Variants in GANAB observed in about 807,000 individuals in gnomAD.
GANAB encodes neutral alpha-glucosidase AB.
A neutral mutation model predicts 129.9 loss-of-function variants in GANAB; 35 were observed. The ratio of observed to expected loss-of-function variants is 0.27; its 90% CI spans 0.21 to 0.36. The LOEUF is 0.36. Ranked by LOEUF, GANAB falls within the 10% of genes least tolerant of loss-of-function variation. The pLI, the probability that GANAB is intolerant of heterozygous loss-of-function variation, is 1.00. For synonymous variants in GANAB, 482 were observed against 451.8 expected, an observed-to-expected ratio of 1.07 and a Z score of -0.85; for missense variants, 939 against 1,221.0, an observed-to-expected ratio of 0.77 and a Z score of 3.44.
At chr11:62,631,972 CCTTT>C (rs1044059396) in intron 9 of GANAB, among the ~76,000 whole-genome samples, 5 of 150,666 alleles carry the variant, frequency 3.3e-5, no homozygotes, top group South Asian at 2.1e-4. Context: ...TGAGTCAGAA[CCTTT>C]CTTTTTTTTT....
chr11:62,635,012 A>G lies in GANAB; in HGVS notation c.381-12T>C. ...CAGAGACAGAAAGCCTGGGAAACAT[A>G]TCAAAAGAAATATAAGGAAGTACAA... On this transcript the variant is annotated splice_polypyrimidine_tract_variant and intron_variant, in intron 4 of 23. Coordinates refer to ENST00000356638, the MANE Select transcript of GANAB (RefSeq NM_198334.3). 1 of 1,600,528 alleles carries G rather than the reference A, an allele frequency of 6.2e-7. No individual in the cohort carries two copies.
Position 62,625,897 on chromosome 11 carries a change from TG to T in GANAB, c.2752del (p.Gln918SerfsTer35). 1.2e-6 allele frequency: 2 copies of T among 1,613,686 alleles called. No individual in the cohort carries two copies. The highest frequency in any genetic ancestry group is 1.7e-6 in the Non-Finnish European group (2 of 1,179,554). ...KGSPESRLSF[Q>X]HDPETSVLVL... Reference sequence around the variant, plus strand: ...CAACACAGAGGTCTCAGGGTCATGCTGGAAGGACAGGCGGCTTTCTGGAGAT... The same window carrying T: ...CAACACAGAGGTCTCAGGGTCATGCTGAAGGACAGGCGGCTTTCTGGAGAT... On this transcript the variant is annotated frameshift_variant, in exon 24 of 24. Transcript: ENST00000356638. LOFTEE classifies it high-confidence loss of function.
chr11:62,633,760 C>A (rs1268738299), intron 5 of GANAB: 1 of 568,506 alleles, frequency 1.8e-6, no homozygotes, highest in Non-Finnish European at 3.1e-6. Flanking sequence ...TGAACACCAG[C>A]CTCTGTCAAC....
Position 62,632,995 on chromosome 11 carries a change from TA to T in GANAB, c.815+9del, listed in dbSNP as rs1169063565. 6 of 1,501,764 alleles carry T rather than the reference TA, an allele frequency of 4.0e-6. No homozygotes were observed. Among genetic ancestry groups the T allele is most frequent in the Non-Finnish European group, 4.6e-6 (5 of 1,077,964 alleles). The allele number at this position is 1,501,764 out of a possible 1,614,324, so 93.0% of individuals were successfully genotyped here. ...CACCTCCATCTTCCTGATGTCACCATAGGACTCACTCAGTGACCTTCAGCCT... is the reference window on the plus strand; with the variant it reads ...CACCTCCATCTTCCTGATGTCACCATGGACTCACTCAGTGACCTTCAGCCT... On this transcript the variant is annotated intron_variant, in intron 8 of 23. Coordinates refer to ENST00000356638, the MANE Select transcript of GANAB (RefSeq NM_198334.3).
chr11:62,627,457 T>A, intron 17 of GANAB, 104 bp from the exon 18 acceptor site: 1 of 708,102 alleles, frequency 1.4e-6, no homozygotes, highest in Middle Eastern at 2.5e-4. Flanking sequence ...ATAGGCCGGG[T>A]GTGGTGGCTC....
intron 1 of GANAB, among the ~76,000 whole-genome samples, chr11:62,644,619 C>G (rs1333245431): frequency 6.6e-6 from 1 of 151,946 alleles, no homozygotes; most frequent in Non-Finnish European, 1.5e-5. Flanking sequence ...GACTCTGTCT[C>G]AAAAAAGTAA....
Position 62,639,887 on chromosome 11 carries a change from G to A in GANAB, c.39-156C>T, listed in dbSNP as rs368007350. 4.8e-6 allele frequency: 3 copies of A among 618,774 alleles called. No individual in the cohort carries two copies. In the African/African-American group the frequency reaches 5.6e-5, roughly 11 times the overall value. 38.3% of individuals were successfully genotyped at this position (618,774 alleles called of 1,614,324 possible). A position where few individuals can be genotyped will look rare whatever the true frequency, so the allele number is the denominator to read the frequency against. ...ATCAAATACAAAACAAGGCAGAGTG[G>A]ACACAGGGTTAAGGATCAGGCCTGA... On this transcript the variant is annotated intron_variant, in intron 1 of 23. Coordinates refer to ENST00000356638, the MANE Select transcript of GANAB (RefSeq NM_198334.3).
At chr11:62,637,414 C>G (rs776850885) in intron 4 of GANAB, among the ~76,000 whole-genome samples, 1 of 151,578 alleles carries the variant, frequency 6.6e-6, no homozygotes, top group Admixed American at 6.6e-5. Context: ...TCAATGAGGG[C>G]TTCTTATAAA....
At position 62,627,757 on chromosome 11, in the gene GANAB, A is replaced by C. The variant is rs1279503960; in HGVS notation, c.2181-404T>G. Among the ~76,000 whole-genome samples the C allele has an allele frequency of 2.6e-5, 4 of 152,120 alleles. No homozygotes were observed. In the East Asian group the frequency reaches 7.7e-4, roughly 29 times the overall value. ...CTCAAAAAAAAAAAGAAAAGAAAAG[A>C]ACAGCACAGGGGTTAAGACCCAGGA... On this transcript the variant is annotated intron_variant, in intron 17 of 23. Coordinates refer to ENST00000356638, the MANE Select transcript of GANAB (RefSeq NM_198334.3).
rs1355207555 is a variant in GANAB at position 62,637,886 on chromosome 11, G to T, written c.380+1097C>A. On this transcript the variant is annotated intron_variant, in intron 4 of 23. Coordinates refer to ENST00000356638, the MANE Select transcript of GANAB (RefSeq NM_198334.3). The stretch of plus-strand genomic sequence containing the variant: ...ACTGTACTCCAGCCTGGGAGACAGC[G>T]AGACTCCATCTCAAAAAAAAAAAAA... Among the ~76,000 whole-genome samples, 6 of 149,324 alleles carry T rather than the reference G, an allele frequency of 4.0e-5. No homozygotes were observed. In the South Asian group the frequency reaches 1.3e-3, roughly 31 times the overall value.
At chr11:62,644,566 G>A (rs1033952785) in intron 1 of GANAB, among the ~76,000 whole-genome samples, 1 of 152,104 alleles carries the variant, frequency 6.6e-6, no homozygotes, top group Non-Finnish European at 1.5e-5. Flanking sequence ...GGCTGCATGA[G>A]CTACGATTGC....
In GANAB at chr11:62,630,880, C is replaced by G. The variant is rs1168980929; in HGVS notation, c.1151-44G>C. 3 of 1,545,828 alleles carry G rather than the reference C, an allele frequency of 1.9e-6. No individual in the cohort carries two copies. The Admixed American group carries it at 5.1e-5, about 26-fold the overall frequency. On this transcript the variant is annotated intron_variant, in intron 10 of 23. Transcript: ENST00000356638. ...TGGGGGTCACAACGAGGATCAGGCC[C>G]AACACCCAGAAACTGAGGGAGGCTT...
intron 5 of GANAB, chr11:62,633,922 G>A (rs1943812588): frequency 2.7e-6 from 1 of 374,688 alleles, no homozygotes; most frequent in Non-Finnish European, 4.9e-6. Flanking sequence ...AGGCATGTGG[G>A]TCATACTATA....
chr11:62,638,888 A>G (rs1446792740), intron 4 of GANAB, 95 bp downstream of exon 4: 1 of 1,256,304 alleles, frequency 8.0e-7, no homozygotes, highest in African/African-American at 1.5e-5. Context: ...GTTAACTACT[A>G]CCTTATTTTG....
chr11:62,644,240 G>A (rs961414395), intron 1 of GANAB, among the ~76,000 whole-genome samples: 14 of 152,052 alleles, frequency 9.2e-5, no homozygotes, highest in East Asian at 1.9e-4. Flanking sequence ...CATCGTGCCC[G>A]GCTGACACCA....
intron 4 of GANAB, among the ~76,000 whole-genome samples, chr11:62,638,186 C>T (rs1565105860): frequency 6.6e-6 from 1 of 152,168 alleles, no homozygotes. Context: ...CGGAGTCTCA[C>T]TCTGTCGCCC....
chr11:62,630,260 A>T lies in GANAB; in HGVS notation c.1530T>A (p.Pro510=). ...CCCTCATCGTGGGATTAGTGAAGTC[A>T]GGGTAACCAGCTGAGCCTGGGAGAA... The part of the protein sequence containing the change: ...GWCWPGSAGY[P]DFTNPTMRAW... Residue 510 remains proline, a synonymous_variant, in exon 13 of 24, where the codon CCT becomes CCA. Coordinates refer to ENST00000356638, the MANE Select transcript of GANAB (RefSeq NM_198334.3). 1 of 1,613,704 alleles carries T rather than the reference A, an allele frequency of 6.2e-7. No individual in the cohort carries two copies. Among genetic ancestry groups the T allele is most frequent in the Admixed American group, 1.7e-5 (1 of 59,960 alleles).
chr11:62,642,783 T>C (rs1217142685), intron 1 of GANAB, among the ~76,000 whole-genome samples: 1 of 152,124 alleles, frequency 6.6e-6, no homozygotes, highest in East Asian at 1.9e-4. Context: ...GCAACCTGGG[T>C]TCACAACCAC....
chr11:62,635,038 A>C (rs1943882035), intron 4 of GANAB, 38 bp from the exon 5 acceptor site: 1 of 1,469,224 alleles, frequency 6.8e-7, no homozygotes, highest in Non-Finnish European at 9.5e-7. Context: ...GGAAGTACAA[A>C]GGGCCAAGAG....
Sources: gnomAD v4.1 joint callset for allele counts (sites outside exome capture counted in the v4.1 genomes callset) on GRCh38, gnomAD v4.1.1 for gene constraint, MANE v1.5 for transcripts, NCBI Gene and HGNC (gene_info 2026-07-23, HGNC 2026-07-21) for gene names.